The following STXBP4 variants were observed in gnomAD, a reference collection of about 807,000 sequenced individuals.
STXBP4 encodes the protein syntaxin-binding protein 4.
Under a neutral mutation model 76.1 loss-of-function variants are expected in STXBP4, and 55 were observed. That is an observed-to-expected ratio of 0.72 (90% CI 0.58 to 0.91). STXBP4 has a LOEUF of 0.91. Among genes scored for constraint, STXBP4 ranks in the 40% least tolerant of loss-of-function variants. The probability of loss-of-function intolerance (pLI) is 0.00; values close to 1 mark genes in which losing one functional copy is unlikely to be tolerated. For missense variants in STXBP4, 618 were observed against 636.9 expected (o/e 0.97, Z 0.32); for synonymous variants, 201 against 220.2 (o/e 0.91, Z 0.77).
intron 8 of STXBP4, among the ~76,000 whole-genome samples, chr17:55,012,279 C>T (rs2078129554): frequency 1.3e-5 from 2 of 152,206 alleles, no homozygotes; most frequent in African/African-American, 4.8e-5. Context: ...GAAACTGTGT[C>T]CTCATGAGGT....
intron 11 of STXBP4, chr17:55,043,538 T>G: frequency 1.6e-6 from 2 of 1,278,804 alleles, no homozygotes; most frequent in Non-Finnish European, 2.2e-6. Flanking sequence ...TGTGCAACAT[T>G]TAGTGTGAAC....
intron 12 of STXBP4, among the ~76,000 whole-genome samples, chr17:55,063,812 C>T (rs546231785): frequency 2.4e-4 from 36 of 152,284 alleles, no homozygotes; most frequent in African/African-American, 8.7e-4. Context: ...AAAACAAATA[C>T]ACATCACTAA....
In STXBP4 at chr17:55,029,603, A is replaced by G. The variant is rs544986850; in HGVS notation, c.667-1565A>G. On this transcript the variant is annotated intron_variant, in intron 8 of 17. Transcript: ENST00000376352. ...TATACAATGCAAATACTTGACTACT[A>G]TACGAGATAAGCAGATGATGCTAGA... 4.6e-5 allele frequency among the ~76,000 whole-genome samples: 7 copies of G among 151,476 alleles called. No individual in the cohort carries two copies. In the South Asian group the frequency reaches 1.5e-3, roughly 32 times the overall value.
At chr17:55,061,713 G>T (rs543086381) in intron 12 of STXBP4, among the ~76,000 whole-genome samples, 1 of 152,114 alleles carries the variant, frequency 6.6e-6, no homozygotes, top group African/African-American at 2.4e-5. Flanking sequence ...CAAGAATATT[G>T]TATAAATGGA....
At chr17:55,119,223 T>TA (rs1213079570) in intron 16 of STXBP4, among the ~76,000 whole-genome samples, 5 of 152,124 alleles carry the variant, frequency 3.3e-5, no homozygotes, top group Non-Finnish European at 5.9e-5. Context: ...TGCTACCAGT[T>TA]AAAAAATATC....
chr17:54,970,964 T>C lies in STXBP4; in HGVS notation c.-157+2149T>C, dbSNP rs550886683. On this transcript the variant is annotated intron_variant, in intron 1 of 17. Coordinates refer to ENST00000376352, the MANE Select transcript of STXBP4 (RefSeq NM_178509.6). ...GAAATGACAGTTCATGTTTATGAAATACTTCTGAATGACAACTAAATATTT... is the reference window on the plus strand; with the variant it reads ...GAAATGACAGTTCATGTTTATGAAACACTTCTGAATGACAACTAAATATTT... Among the ~76,000 whole-genome samples the C allele has an allele frequency of 2.5e-4, 33 of 133,580 alleles. 2 individuals are homozygous for C. In the South Asian group the frequency reaches 7.6e-3, roughly 31 times the overall value. 87.6% of individuals were successfully genotyped at this position (133,580 alleles called of 152,430 possible). A position where few individuals can be genotyped will look rare whatever the true frequency, so the allele number is the denominator to read the frequency against.
In STXBP4 at chr17:55,122,722, A is replaced by G. The variant is rs574620053; in HGVS notation, c.1490-18588A>G. Among the ~76,000 whole-genome samples the G allele has an allele frequency of 7.9e-5, 12 of 152,322 alleles. 1 individual carries two copies. The South Asian group carries it at 2.3e-3, about 29-fold the overall frequency. ...AAGCACTCAAAAGTTTAGATTGTCA[A>G]CTTACATATTGAGATATGTGTCTAT... is the stretch of plus-strand genomic sequence containing the variant. On this transcript the variant is annotated intron_variant, in intron 16 of 17. Transcript: ENST00000376352.
the STXBP4 span, among the ~76,000 whole-genome samples, chr17:55,195,889 A>G: frequency 3.3e-5 from 5 of 152,296 alleles, no homozygotes; most frequent in African/African-American, 1.2e-4. Flanking sequence ...ACTGGCGTCT[A>G]GTGGGTAAAG....
chr17:55,132,366 T>C (rs1266011086), intron 16 of STXBP4, among the ~76,000 whole-genome samples: 1 of 152,084 alleles, frequency 6.6e-6, no homozygotes, highest in South Asian at 2.1e-4. Context: ...AATTTTTGTA[T>C]TTTTAGTAGA....
chr17:55,084,803 G>A (rs913784904), intron 16 of STXBP4, among the ~76,000 whole-genome samples: 8 of 152,014 alleles, frequency 5.3e-5, no homozygotes, highest in African/African-American at 1.2e-4. Context: ...GATATGCGGC[G>A]TTATTTCTGA....
rs2080379407 is a variant in STXBP4, at chr17:55,166,799, T to C, written c.*6888T>C. 6.6e-6 allele frequency: 1 copy of C among 152,200 alleles called. No individual in the cohort carries two copies. The highest frequency in any genetic ancestry group is 6.5e-5 in the Admixed American group (1 of 15,286). The allele number at this position is 152,200 out of a possible 1,614,324, so 9.4% of individuals were successfully genotyped here. Reference sequence around the variant, plus strand: ...CCGGACACTCATTTGGTTACTATATTTACTAATTTACTTTTATCTACTGAG... The same window carrying C: ...CCGGACACTCATTTGGTTACTATATCTACTAATTTACTTTTATCTACTGAG... On this transcript the variant is annotated 3_prime_UTR_variant, in exon 18 of 18. Coordinates refer to ENST00000376352, the MANE Select transcript of STXBP4 (RefSeq NM_178509.6).
chr17:55,077,656 C>T (rs1362492996), intron 13 of STXBP4, among the ~76,000 whole-genome samples: 1 of 148,056 alleles, frequency 6.8e-6, no homozygotes, highest in South Asian at 2.1e-4. Flanking sequence ...CATGGAATTC[C>T]TTTACTTCCT....
the STXBP4 span, among the ~76,000 whole-genome samples, chr17:55,196,112 AC>A: frequency 4.1e-4 from 62 of 151,616 alleles, no homozygotes; most frequent in Admixed American, 1.3e-3. Flanking sequence ...TCTTCTCTGA[AC>A]CCCCTCAATA....
intron 16 of STXBP4, among the ~76,000 whole-genome samples, chr17:55,106,602 T>C (rs1049022560): frequency 1.1e-4 from 17 of 152,182 alleles, no homozygotes; most frequent in Non-Finnish European, 1.8e-4. Flanking sequence ...CTGGTACCGA[T>C]TTTTCTTTTC....
At chr17:55,078,265 C>T in intron 14 of STXBP4, 71 bp downstream of exon 14, 1 of 1,004,038 alleles carries the variant, frequency 1.0e-6, no homozygotes, top group Non-Finnish European at 1.5e-6. Flanking sequence ...ATAAATGTTA[C>T]TGTATTTGGT....
At chr17:55,104,668 T>A (rs1222262142) in intron 16 of STXBP4, among the ~76,000 whole-genome samples, 6 of 152,160 alleles carry the variant, frequency 3.9e-5, no homozygotes. Context: ...GAGTCCCTCT[T>A]TTTCTTTTGT....
chr17:55,123,064 G>A (rs1169799470), intron 16 of STXBP4, among the ~76,000 whole-genome samples: 1 of 152,020 alleles, frequency 6.6e-6, no homozygotes, highest in Non-Finnish European at 1.5e-5. Flanking sequence ...TTTGTCATCA[G>A]TTAAAGCAGA....
chr17:55,053,476 A>G (rs973966992), intron 12 of STXBP4, among the ~76,000 whole-genome samples: 13 of 152,162 alleles, frequency 8.5e-5, no homozygotes, highest in African/African-American at 1.9e-4. Flanking sequence ...ACTTACTATC[A>G]GTGGCTTACA....
intron 1 of STXBP4, among the ~76,000 whole-genome samples, chr17:54,973,429 AT>A (rs2077427391): frequency 6.6e-6 from 1 of 152,190 alleles, no homozygotes; most frequent in South Asian, 2.1e-4. Flanking sequence ...AAGATGGCAT[AT>A]TTGAAGTTAT....
Sources: gnomAD v4.1 joint callset for allele counts (sites outside exome capture counted in the v4.1 genomes callset) on GRCh38, gnomAD v4.1.1 for gene constraint, MANE v1.5 for transcripts, NCBI Gene and HGNC (gene_info 2026-07-23, HGNC 2026-07-21) for gene names.